The following SLC38A6 variants were observed in gnomAD, a reference collection of about 807,000 sequenced individuals.
SLC38A6 encodes the protein solute carrier family 38 member 6, also known as N system amino acid transporter NAT-1.
A neutral mutation model predicts 65.0 loss-of-function variants in SLC38A6; 73 were observed. That is an observed-to-expected ratio of 1.12 (90% confidence interval 0.93 to 1.37). SLC38A6 has a LOEUF of 1.37. Among genes scored for constraint, SLC38A6 ranks in the 40% most tolerant of loss-of-function variants. SLC38A6 has a pLI of 0.00. For missense variants in SLC38A6, 561 were observed against 531.1 expected (o/e 1.06, Z -0.55); for synonymous variants, 183 against 178.8 (o/e 1.02, Z -0.19).
At chr14:60,998,872 G>A (rs556581371) in intron 3 of SLC38A6, among the ~76,000 whole-genome samples, 3 of 152,330 alleles carry the variant, frequency 2.0e-5, no homozygotes, top group Admixed American at 2.0e-4. Flanking sequence ...CCTGCCCTTC[G>A]TGGGGGATCA....
rs555725176 is a variant in SLC38A6, at chr14:61,073,415, C to T, written c.1291-5395C>T. 5.3e-5 allele frequency among the ~76,000 whole-genome samples: 8 copies of T among 152,286 alleles called. No individual in the cohort carries two copies. The South Asian group carries it at 1.7e-3, about 32-fold the overall frequency. The stretch of plus-strand genomic sequence containing the variant: ...AAGGCTCCATCTCCCAATACCATTA[C>T]ATTGGCAATTAAATTTCAACGTGAG... On this transcript the variant is annotated intron_variant, in intron 15 of 16. Coordinates refer to the SLC38A6 transcript ENST00000354886.
chr14:61,041,765 G>A (rs1050437795), intron 8 of SLC38A6, among the ~76,000 whole-genome samples: 2 of 152,088 alleles, frequency 1.3e-5, no homozygotes, highest in African/African-American at 4.8e-5. Flanking sequence ...TGGGTGTGAT[G>A]GCCACACACC....
intron 9 of SLC38A6, 67 bp from the exon 10 acceptor site, chr14:61,043,383 T>C: frequency 1.5e-6 from 2 of 1,302,504 alleles, no homozygotes; most frequent in Non-Finnish European, 2.2e-6. Flanking sequence ...ATTCATCATT[T>C]TTATTGATAT....
intron 5 of SLC38A6, among the ~76,000 whole-genome samples, chr14:61,019,939 A>G (rs1001702402): frequency 5.3e-5 from 8 of 152,164 alleles, no homozygotes; most frequent in Non-Finnish European, 1.2e-4. Flanking sequence ...ATTGGCAGAT[A>G]CTACTTTAGA....
At chr14:60,998,856 G>A (rs544848959) in intron 3 of SLC38A6, among the ~76,000 whole-genome samples, 6 of 152,240 alleles carry the variant, frequency 3.9e-5, no homozygotes, top group East Asian at 3.9e-4. Flanking sequence ...CAGCCCTGTC[G>A]CAGGCCCTGC....
intron 6 of SLC38A6, among the ~76,000 whole-genome samples, chr14:61,035,440 A>G (rs957617737): frequency 3.3e-5 from 5 of 152,070 alleles, no homozygotes; most frequent in African/African-American, 9.7e-5. Context: ...AATATTTTCA[A>G]ATGTTGGGTA....
intron 3 of SLC38A6, among the ~76,000 whole-genome samples, chr14:60,993,532 A>T (rs1401687698): frequency 6.6e-6 from 1 of 152,192 alleles, no homozygotes; most frequent in African/African-American, 2.4e-5. Flanking sequence ...ACTGAAGGAG[A>T]GTCCCAGTTA....
At chr14:61,027,560 T>G (rs1450419226) in intron 5 of SLC38A6, among the ~76,000 whole-genome samples, 1 of 152,158 alleles carries the variant, frequency 6.6e-6, no homozygotes, top group Non-Finnish European at 1.5e-5. Flanking sequence ...AACCTTTTAG[T>G]TAAAAACAAA....
chr14:61,080,306 A>G (rs1332122457), intron 16 of SLC38A6, among the ~76,000 whole-genome samples: 1 of 152,128 alleles, frequency 6.6e-6, no homozygotes, highest in East Asian at 1.9e-4. Context: ...CTGGCGTGTT[A>G]TGTGACCTAT....
chr14:61,030,035 A>G (rs2040857837), intron 5 of SLC38A6, among the ~76,000 whole-genome samples: 1 of 152,144 alleles, frequency 6.6e-6, no homozygotes, highest in South Asian at 2.1e-4. Flanking sequence ...TACTAGCCAT[A>G]CCTATTAAAC....
downstream of SLC38A6, among the ~76,000 whole-genome samples, chr14:61,053,702 C>T (rs1166581757): frequency 6.6e-6 from 1 of 152,156 alleles, no homozygotes; most frequent in African/African-American, 2.4e-5. Flanking sequence ...TGAGAAGTGT[C>T]TGTTCATGTC....
intron 15 of SLC38A6, among the ~76,000 whole-genome samples, chr14:61,078,055 A>G (rs1215344971): frequency 3.3e-5 from 5 of 152,224 alleles, no homozygotes; most frequent in East Asian, 3.9e-4. Context: ...TTACAATCCA[A>G]TGGAGGTGAC....
chr14:61,065,402 C>G (rs1297390079), intron 15 of SLC38A6, among the ~76,000 whole-genome samples: 2 of 152,156 alleles, frequency 1.3e-5, no homozygotes, highest in Admixed American at 6.5e-5. Context: ...TTCCGGTGAA[C>G]TTTGTATGTG....
At chr14:61,016,667 T>G (rs1422380760) in intron 4 of SLC38A6, among the ~76,000 whole-genome samples, 3 of 152,208 alleles carry the variant, frequency 2.0e-5, no homozygotes, top group Admixed American at 2.0e-4. Context: ...CTATAGTATA[T>G]ATATTTTTTA....
rs1279384701 is a variant in SLC38A6 at position 61,033,841 on chromosome 14, A to T, written c.483-3218A>T. Among the ~76,000 whole-genome samples, 3 of 152,192 alleles carry T rather than the reference A, an allele frequency of 2.0e-5. No individual in the cohort carries two copies. In the East Asian group the frequency reaches 5.8e-4, roughly 29 times the overall value. On this transcript the variant is annotated intron_variant, in intron 6 of 15. Transcript: ENST00000267488. ...TAAGGATAAGAAATGATTAACGATA[A>T]CCAGTAGCCAAGACAAGGATAGAGA...
chr14:61,069,343 G>T (rs1449944714), intron 15 of SLC38A6, among the ~76,000 whole-genome samples: 3 of 151,826 alleles, frequency 2.0e-5, no homozygotes, highest in Non-Finnish European at 4.4e-5. Flanking sequence ...CCCAGATAAT[G>T]GCTCACTGCT....
At chr14:61,021,449 C>A (rs1335870700) in intron 5 of SLC38A6, among the ~76,000 whole-genome samples, 1 of 152,100 alleles carries the variant, frequency 6.6e-6, no homozygotes, top group East Asian at 1.9e-4. Flanking sequence ...ATTCGGAGTA[C>A]CCTTGTAACT....
At chr14:61,073,224 G>C (rs2139971857) in intron 15 of SLC38A6, among the ~76,000 whole-genome samples, 1 of 152,058 alleles carries the variant, frequency 6.6e-6, no homozygotes, top group South Asian at 2.1e-4. Flanking sequence ...TTTTTTGATT[G>C]GATTATTATA....
At chr14:61,004,507 C>A (rs1429266026) in intron 3 of SLC38A6, 1 of 152,168 alleles carries the variant, frequency 6.6e-6, no homozygotes, top group Non-Finnish European at 1.5e-5. Flanking sequence ...AAGGGGTTAT[C>A]ACCACTGATC....
Sources: allele counts gnomAD v4.1 joint callset (sites outside exome capture counted in the v4.1 genomes callset), GRCh38; gene constraint gnomAD v4.1.1; transcripts MANE v1.5; gene names NCBI Gene and HGNC (gene_info 2026-07-23, HGNC 2026-07-21).